Variants in MTREX observed in about 807,000 individuals in gnomAD.
MTREX encodes Mtr4 exosome RNA helicase, also known as exosome RNA helicase MTR4.
A neutral mutation model predicts 135.4 loss-of-function variants in MTREX; 76 were observed. That is an observed-to-expected ratio of 0.56 (90% CI 0.47 to 0.68). The LOEUF (loss-of-function observed/expected upper bound fraction) is 0.68, where lower values mean the gene tolerates loss of function less well. Among genes scored for constraint, MTREX ranks in the 30% least tolerant of loss-of-function variants. The probability of loss-of-function intolerance (pLI) is 0.00; values close to 1 mark genes in which losing one functional copy is unlikely to be tolerated. For synonymous variants in MTREX, 404 were observed against 401.6 expected, an observed-to-expected ratio of 1.01 and a Z score of -0.07; for missense variants, 920 against 1,262.1, an observed-to-expected ratio of 0.73 and a Z score of 4.11.
intron 13 of MTREX, among the ~76,000 whole-genome samples, chr5:55,352,635 A>T (rs1749847496): frequency 6.6e-6 from 1 of 152,204 alleles, no homozygotes; most frequent in South Asian, 2.1e-4. Flanking sequence ...TGCTATTGAG[A>T]TGATGAACTA....
At chr5:55,337,138 T>C (rs530398658) in intron 5 of MTREX, among the ~76,000 whole-genome samples, 17 of 152,220 alleles carry the variant, frequency 1.1e-4, no homozygotes, top group Non-Finnish European at 2.5e-4. Context: ...TTTTTTCTTT[T>C]ATGAGACAGG....
chr5:55,381,338 G>A (rs756741411), intron 18 of MTREX, among the ~76,000 whole-genome samples: 4 of 151,984 alleles, frequency 2.6e-5, no homozygotes, highest in Non-Finnish European at 5.9e-5. Flanking sequence ...TAGAAGATTA[G>A]GTTATTAACT....
intron 5 of MTREX, among the ~76,000 whole-genome samples, chr5:55,330,066 G>C (rs943297340): frequency 6.6e-6 from 1 of 151,796 alleles, no homozygotes; most frequent in Admixed American, 6.6e-5. Context: ...ATCTCATTGA[G>C]TGCTACTTTT....
intron 1 of MTREX, among the ~76,000 whole-genome samples, chr5:55,308,618 C>T (rs998926814): frequency 6.6e-6 from 1 of 152,092 alleles, no homozygotes; most frequent in Non-Finnish European, 1.5e-5. Flanking sequence ...ATAATAGTGC[C>T]TACCACTGGT....
intron 1 of MTREX, 148 bp downstream of exon 1, chr5:55,308,295 T>C: frequency 1.1e-6 from 1 of 941,192 alleles, no homozygotes; most frequent in Non-Finnish European, 1.5e-6. Context: ...TTGGAGAGGG[T>C]GGAAGAATGT....
At chr5:55,328,870 T>G in intron 5 of MTREX, 59 bp downstream of exon 5, 1 of 1,113,166 alleles carries the variant, frequency 9.0e-7, no homozygotes, top group Non-Finnish European at 1.3e-6. Context: ...AAAAGTTTCT[T>G]TTTTGCTGTT....
chr5:55,358,461 T>C, intron 14 of MTREX, 112 bp from the exon 15 acceptor site: 9 of 910,720 alleles, frequency 9.9e-6, no homozygotes, highest in Non-Finnish European at 1.4e-5. Flanking sequence ...TAATCATGTT[T>C]CCTTTCTTAG....
intron 4 of MTREX, 42 bp from the exon 5 acceptor site, chr5:55,328,657 A>G (rs1290211664): frequency 2.2e-6 from 3 of 1,341,426 alleles, no homozygotes; most frequent in Non-Finnish European, 2.1e-6. Context: ...CTCTGATACA[A>G]CTAGATGTTT....
At chr5:55,393,428 T>C (rs1750600878) in intron 19 of MTREX, among the ~76,000 whole-genome samples, 1 of 152,258 alleles carries the variant, frequency 6.6e-6, no homozygotes, top group Non-Finnish European at 1.5e-5. Context: ...GTGCCATGAC[T>C]TGATTAAAAT....
chr5:55,394,455 C>G (rs810618), intron 19 of MTREX, among the ~76,000 whole-genome samples: 130,654 of 152,196 alleles, frequency 0.86, 56,472 homozygotes, highest in South Asian at 0.92. Context: ...TTCCATGGAC[C>G]AGTGTGGAGC....
intron 1 of MTREX, among the ~76,000 whole-genome samples, chr5:55,310,997 G>T (rs1432634876): frequency 1.3e-5 from 2 of 151,690 alleles, no homozygotes; most frequent in East Asian, 1.9e-4. Flanking sequence ...GCCCAGGCTG[G>T]TTTCAAACTC....
In MTREX at chr5:55,415,976, G is replaced by A; in HGVS notation, c.2815G>A (p.Ala939Thr). ...AACTCTTTTATCTTTAAAGGAATGT[G>A]CTAAAAGAATTGCAAAAGTTTCAGC... ...AGPLRQMQEC[A>T]KRIAKVSAEA... The change falls in exon 25 of 27, where the codon GCT (alanine) becomes ACT (threonine). Residue 939 changes from alanine (A) to threonine (T), a missense_variant. Transcript: ENST00000230640. 1 of 1,589,396 alleles carries A rather than the reference G, an allele frequency of 6.3e-7. No homozygotes were observed. Among genetic ancestry groups the A allele is most frequent in the Non-Finnish European group, 8.5e-7 (1 of 1,171,238 alleles).
chr5:55,396,101 G>T (rs1307916522), intron 19 of MTREX, among the ~76,000 whole-genome samples: 1 of 152,194 alleles, frequency 6.6e-6, no homozygotes, highest in Non-Finnish European at 1.5e-5. Context: ...TTAGTGAATT[G>T]AAATAAGGGT....
At chr5:55,383,973 A>C (rs978592360) in intron 18 of MTREX, among the ~76,000 whole-genome samples, 5 of 152,090 alleles carry the variant, frequency 3.3e-5, no homozygotes, top group African/African-American at 7.2e-5. Flanking sequence ...GTCTCATTAC[A>C]TTGCCCAGGC....
In MTREX at chr5:55,409,617, T is replaced by G. The variant is rs115976519; in HGVS notation, c.2646-907T>G. On this transcript the variant is annotated intron_variant, in intron 22 of 26. Coordinates refer to ENST00000230640, the MANE Select transcript of MTREX (RefSeq NM_015360.5). Reference sequence around the variant, plus strand: ...GACCTTCCTCTCAACAAAATCAAGTTGTCAGTTTAAAAAACTGTATTTTGA... The same window carrying G: ...GACCTTCCTCTCAACAAAATCAAGTGGTCAGTTTAAAAAACTGTATTTTGA... Among the ~76,000 whole-genome samples, 611 of 152,318 alleles carry G rather than the reference T, an allele frequency of 4.0e-3. 4 individuals carry two copies. The highest frequency in any genetic ancestry group is 5.8e-3 in the Non-Finnish European group (393 of 68,040).
chr5:55,312,371 G>T (rs1749127834), intron 1 of MTREX, among the ~76,000 whole-genome samples: 1 of 151,894 alleles, frequency 6.6e-6, no homozygotes, highest in Non-Finnish European at 1.5e-5. Context: ...GGGTAAATGA[G>T]TGGATTTTTA....
chr5:55,410,520 G>A lies in MTREX; in HGVS notation c.2646-4G>A, dbSNP rs574869896. 22 of 1,588,698 alleles carry A rather than the reference G, an allele frequency of 1.4e-5. No homozygotes were observed. The African/African-American group carries it at 2.4e-4, about 17-fold the overall frequency. On this transcript the variant is annotated splice_region_variant and splice_polypyrimidine_tract_variant and intron_variant, in intron 22 of 26. Coordinates refer to ENST00000230640, the MANE Select transcript of MTREX (RefSeq NM_015360.5). ...CATTTTATTCTTTTGTTTTGCCATT[G>A]TAGTGCTGATGAGCTCCTTCTAACT... is the stretch of plus-strand genomic sequence containing the variant.
At chr5:55,394,285 T>C (rs191561039) in intron 19 of MTREX, among the ~76,000 whole-genome samples, 2 of 152,382 alleles carry the variant, frequency 1.3e-5, no homozygotes, top group South Asian at 2.1e-4. Flanking sequence ...TAATTTTTCA[T>C]GTCCTGAGTC....
At chr5:55,346,789 A>G (rs1749747322) in intron 10 of MTREX, among the ~76,000 whole-genome samples, 1 of 152,172 alleles carries the variant, frequency 6.6e-6, no homozygotes, top group African/African-American at 2.4e-5. Context: ...GATGGTATCC[A>G]TGAAATCACA....
Sources: allele counts gnomAD v4.1 joint callset (sites outside exome capture counted in the v4.1 genomes callset), GRCh38; gene constraint gnomAD v4.1.1; transcripts MANE v1.5; gene names NCBI Gene and HGNC (gene_info 2026-07-23, HGNC 2026-07-21).